HAL: variants seen among roughly 807,000 people sequenced by gnomAD.
HAL encodes the protein histidase.
A neutral mutation model predicts 81.1 loss-of-function variants in HAL; 85 were observed. The observed-to-expected ratio is 1.05, with a 90% CI of 0.88 to 1.25. The LOEUF is 1.25. Among genes scored for constraint, HAL ranks in the 50% most tolerant of loss-of-function variants. The pLI is 0.00. For missense variants in HAL, 798 were observed against 836.6 expected (o/e 0.95, Z 0.57); for synonymous variants, 301 against 309.2 (o/e 0.97, Z 0.28).
At chr12:95,979,296 C>T (rs192847702) in intron 17 of HAL, among the ~76,000 whole-genome samples, 159 of 152,168 alleles carry the variant, frequency 1.0e-3, no homozygotes, top group African/African-American at 3.6e-3. Flanking sequence ...TAGAAGATAC[C>T]GGTCAGAGGA....
At chr12:95,986,953 T>G (rs1027805417) in intron 12 of HAL, 114 bp downstream of exon 12, 1 of 905,858 alleles carries the variant, frequency 1.1e-6, no homozygotes. Flanking sequence ...GGCACTTGGG[T>G]TTTCTCCTTC....
chr12:95,991,736 A>T (rs1949972895), intron 9 of HAL, among the ~76,000 whole-genome samples: 1 of 152,122 alleles, frequency 6.6e-6, no homozygotes, highest in African/African-American at 2.4e-5. Flanking sequence ...CTCCCCCATA[A>T]AGTACAGGTG....
chr12:95,980,919 C>T, intron 15 of HAL, 56 bp from the exon 16 acceptor site: 1 of 973,798 alleles, frequency 1.0e-6, no homozygotes, highest in Non-Finnish European at 1.7e-6. Flanking sequence ...TCAAGTACAA[C>T]CCCTTCCTGC....
chr12:95,976,018 C>T, intron 20 of HAL: 2 of 338,204 alleles, frequency 5.9e-6, no homozygotes, highest in East Asian at 1.6e-4. Flanking sequence ...AACACCCGGG[C>T]CTTGGTTTTC....
intron 15 of HAL, 195 bp downstream of exon 15, chr12:95,983,716 C>G: frequency 1.6e-6 from 1 of 610,228 alleles, no homozygotes; most frequent in South Asian, 1.9e-5. Context: ...AGAGTAAGTT[C>G]ACAGGTCACC....
chr12:95,979,109 A>G (rs539275213), intron 17 of HAL, among the ~76,000 whole-genome samples: 34 of 152,348 alleles, frequency 2.2e-4, no homozygotes, highest in Non-Finnish European at 3.7e-4. Context: ...TTTTACTACA[A>G]TGAAAGCAAG....
chr12:95,985,883 A>AC, intron 14 of HAL, 25 bp downstream of exon 14: 1 of 1,486,740 alleles, frequency 6.7e-7, no homozygotes, highest in Non-Finnish European at 9.3e-7. Context: ...TTTTTTATTG[A>AC]CCTTTTTTTT....
At chr12:95,993,684 G>T in intron 7 of HAL, 88 bp downstream of exon 7, 1 of 906,224 alleles carries the variant, frequency 1.1e-6, no homozygotes, top group Non-Finnish European at 1.8e-6. Context: ...TCTGTAAATT[G>T]GGGCAAATGT....
rs1392468095 is a variant in HAL, at chr12:95,976,729, G to A, written c.1655-23C>T. The stretch of plus-strand genomic sequence containing the variant: ...GCACTGAAACAAGAAATTCCAAGAG[G>A]GTAGCTTATGAAAGTCTGACTTCAT... On this transcript the variant is annotated intron_variant, in intron 18 of 20. Transcript: ENST00000261208. The A allele has an allele frequency of 2.7e-6, 4 of 1,462,052 alleles. No individual in the cohort carries two copies. In the African/African-American group the frequency reaches 4.2e-5, roughly 15 times the overall value. The allele number at this position is 1,462,052 out of a possible 1,614,324, so 90.6% of individuals were successfully genotyped here. A position where few individuals can be genotyped will look rare whatever the true frequency, so the allele number is the denominator to read the frequency against.
intron 10 of HAL, chr12:95,989,787 TTATC>T (rs1163981781): frequency 1.2e-5 from 2 of 160,152 alleles, no homozygotes; most frequent in African/African-American, 4.8e-5. Context: ...CCCAAAAGGA[TTATC>T]TATTTCCTTA....
At chr12:95,984,476 A>G (rs1949852160) in intron 14 of HAL, among the ~76,000 whole-genome samples, 1 of 152,372 alleles carries the variant, frequency 6.6e-6, no homozygotes, top group South Asian at 2.1e-4. Flanking sequence ...AAAGTTCATT[A>G]AGCACGAAGG....
chr12:95,976,386 G>A (rs1231099832), intron 20 of HAL, 43 bp downstream of exon 20: 4 of 1,508,056 alleles, frequency 2.7e-6, no homozygotes, highest in Admixed American at 3.3e-5. Context: ...TTGCTTTCCT[G>A]TAACAATTAA....
At chr12:95,981,789 A>C (rs552450473) in intron 15 of HAL, among the ~76,000 whole-genome samples, 7 of 152,314 alleles carry the variant, frequency 4.6e-5, no homozygotes, top group African/African-American at 1.4e-4. Context: ...CATGCACTTT[A>C]CTTAAACCAG....
chr12:95,979,297 G>T (rs554915264), intron 17 of HAL, among the ~76,000 whole-genome samples: 1 of 152,158 alleles, frequency 6.6e-6, no homozygotes, highest in African/African-American at 2.4e-5. Flanking sequence ...AGAAGATACC[G>T]GTCAGAGGAG....
chr12:95,985,845 A>C (rs1592844026), intron 14 of HAL, 63 bp downstream of exon 14: 1 of 1,112,054 alleles, frequency 9.0e-7, no homozygotes. Flanking sequence ...TTCATCCTGA[A>C]CCTGGGGAAA....
chr12:95,986,471 A>G (rs1303704622), intron 12 of HAL, among the ~76,000 whole-genome samples: 2 of 152,244 alleles, frequency 1.3e-5, no homozygotes, highest in African/African-American at 4.8e-5. Context: ...GATTTTCCTT[A>G]TTGACTTGAC....
At chr12:95,988,016 C>A (rs1949916985) in intron 11 of HAL, among the ~76,000 whole-genome samples, 177 bp downstream of exon 11, 1 of 152,214 alleles carries the variant, frequency 6.6e-6, no homozygotes. Flanking sequence ...CATCCGCCAC[C>A]ATGCCTGGCA....
Position 95,993,444 on chromosome 12 carries a change from G to A in HAL, c.589+7C>T, listed in dbSNP as rs751150539. On this transcript the variant is annotated splice_region_variant and intron_variant, in intron 8 of 20. Coordinates refer to ENST00000261208, the MANE Select transcript of HAL (RefSeq NM_002108.4). ...AGATCCAGGAGGCACCCAACGTTTT[G>A]ACTTACCTGAAGAATGTGAGCGTAC... 18 of 1,588,748 alleles carry A rather than the reference G, an allele frequency of 1.1e-5. No homozygotes were observed. The highest frequency in any genetic ancestry group is 1.5e-5 in the Non-Finnish European group (17 of 1,156,774).
At chr12:95,995,277 T>C (rs1950020401) in intron 2 of HAL, 1 of 574,230 alleles carries the variant, frequency 1.7e-6, no homozygotes, top group Admixed American at 3.0e-5. Flanking sequence ...TCTGAACTGA[T>C]GCTATGCTGC....
Sources: gnomAD v4.1 joint callset for allele counts (sites outside exome capture counted in the v4.1 genomes callset) on GRCh38, gnomAD v4.1.1 for gene constraint, MANE v1.5 for transcripts, NCBI Gene and HGNC (gene_info 2026-07-23, HGNC 2026-07-21) for gene names.